DLGAP2: variants seen among roughly 807,000 people sequenced by gnomAD.
The protein encoded by DLGAP2 is DLG associated protein 2, also known as disks large-associated protein 2.
DLGAP2 carries 26 observed loss-of-function variants against 100.3 expected under a neutral mutation model. The ratio of observed to expected loss-of-function variants is 0.26; its 90% confidence interval spans 0.19 to 0.36. The LOEUF is 0.36. Ranked by LOEUF, DLGAP2 falls within the 10% of genes least tolerant of loss-of-function variation. The pLI is 1.00. For missense variants in DLGAP2, 1,858 were observed against 1,453.2 expected (o/e 1.28, Z -4.53); for synonymous variants, 886 against 630.1 (o/e 1.41, Z -6.08).
intron 1 of DLGAP2, among the ~76,000 whole-genome samples, chr8:868,000 A>G (rs944827512): frequency 2.0e-5 from 3 of 152,206 alleles, no homozygotes; most frequent in East Asian, 1.9e-4. Context: ...AAATTCAGCA[A>G]TGGCTTCATC....
chr8:1,513,708 C>G (rs188379181), intron 4 of DLGAP2, among the ~76,000 whole-genome samples: 2 of 152,328 alleles, frequency 1.3e-5, no homozygotes, highest in African/African-American at 4.8e-5. Context: ...ATGCAATTCC[C>G]TAAAAGTACA....
chr8:1,626,457 A>G (rs572876540), intron 6 of DLGAP2, among the ~76,000 whole-genome samples: 1 of 138,790 alleles, frequency 7.2e-6, no homozygotes, highest in African/African-American at 2.7e-5. Flanking sequence ...GGCTGTTCCC[A>G]TCTGTACCCT....
In DLGAP2 at chr8:1,052,745, G is replaced by A. The variant is rs112454961; in HGVS notation, c.73+144779G>A. Among the ~76,000 whole-genome samples, 1,458 of 152,184 alleles carry A rather than the reference G, an allele frequency of 9.6e-3. 26 individuals carry two copies. Among genetic ancestry groups the A allele is most frequent in the African/African-American group, 0.032 (1,329 of 41,500 alleles). On this transcript the variant is annotated intron_variant, in intron 2 of 14. Transcript: ENST00000637795. ...GGTAATACAGGGAGGGGTTTTCTAGGGGCTCGGTTACACACACTGGACTTG... is the reference window on the plus strand; with the variant it reads ...GGTAATACAGGGAGGGGTTTTCTAGAGGCTCGGTTACACACACTGGACTTG...
At chr8:1,646,325 A>G (rs1798039896) in intron 8 of DLGAP2, among the ~76,000 whole-genome samples, 1 of 152,146 alleles carries the variant, frequency 6.6e-6, no homozygotes, top group South Asian at 2.1e-4. Flanking sequence ...CGTCAGCCTC[A>G]TTGACGACAG....
At chr8:963,121 G>A (rs1300095690) in intron 2 of DLGAP2, among the ~76,000 whole-genome samples, 7 of 152,142 alleles carry the variant, frequency 4.6e-5, no homozygotes, top group South Asian at 2.1e-4. Flanking sequence ...CAGCAACAGC[G>A]GTCACCCCTC....
chr8:1,433,018 A>C (rs533944430), intron 3 of DLGAP2, among the ~76,000 whole-genome samples: 115 of 152,256 alleles, frequency 7.6e-4, no homozygotes, highest in Non-Finnish European at 8.2e-4. Context: ...GGTGACCCCC[A>C]CAGTCTGCTC....
chr8:1,239,366 CGCCGTGTCTAGTTCTCTCACGTGGT>C (rs1798731614), intron 2 of DLGAP2, among the ~76,000 whole-genome samples: 2 of 19,812 alleles, frequency 1.0e-4, no homozygotes, highest in South Asian at 1.6e-3. Flanking sequence ...TCTCACATGG[CGCCGTGTCTAGTTCTCTCACGTGGT>C]GCCGTGTCTA....
chr8:1,008,502 A>G (rs1354842512), intron 2 of DLGAP2, among the ~76,000 whole-genome samples: 1 of 152,222 alleles, frequency 6.6e-6, no homozygotes, highest in Non-Finnish European at 1.5e-5. Context: ...ATAAAATCAT[A>G]TTTTCTTATT....
rs1241626815 is a variant in DLGAP2 at position 1,704,943 on chromosome 8, C to G, written c.*3537C>G. 6.6e-6 allele frequency: 1 copy of G among 152,206 alleles called. No individual in the cohort carries two copies. The highest frequency in any genetic ancestry group is 6.5e-5 in the Admixed American group (1 of 15,284). The allele number at this position is 152,206 out of a possible 1,614,324, so 9.4% of individuals were successfully genotyped here. ...GCATATGTCCTTGTCTTGATTTTTG[C>G]CTTTTCGATGCCATATTAAGCAGCC... On this transcript the variant is annotated 3_prime_UTR_variant, in exon 15 of 15. Coordinates refer to ENST00000637795, the MANE Select transcript of DLGAP2 (RefSeq NM_001346810.2).
chr8:1,071,046 G>A (rs1443719214), intron 2 of DLGAP2, among the ~76,000 whole-genome samples: 2 of 152,218 alleles, frequency 1.3e-5, no homozygotes, highest in African/African-American at 2.4e-5. Flanking sequence ...TCACTGAGCA[G>A]AATGAGGGTC....
chr8:1,198,388 C>T (rs1298681919), intron 2 of DLGAP2, among the ~76,000 whole-genome samples: 1 of 152,180 alleles, frequency 6.6e-6, no homozygotes, highest in Non-Finnish European at 1.5e-5. Flanking sequence ...CTGCTTTCCA[C>T]AGAGAGCTGC....
chr8:1,346,197 T>C (rs1201178327), intron 3 of DLGAP2, among the ~76,000 whole-genome samples: 3 of 152,298 alleles, frequency 2.0e-5, no homozygotes, highest in South Asian at 2.1e-4. Flanking sequence ...CAGAGCTGCA[T>C]TGCACTCACG....
intron 2 of DLGAP2, among the ~76,000 whole-genome samples, chr8:1,156,205 G>T (rs1004509502): frequency 6.6e-6 from 1 of 152,156 alleles, no homozygotes; most frequent in Non-Finnish European, 1.5e-5. Context: ...TCCCTCTGCC[G>T]CCGGGAGCGG....
intron 2 of DLGAP2, among the ~76,000 whole-genome samples, chr8:1,029,906 CAT>C (rs1442465712): frequency 4.6e-5 from 7 of 152,184 alleles, no homozygotes; most frequent in African/African-American, 9.6e-5. Context: ...CAGACACAAA[CAT>C]GTGGGCAATG....
intron 3 of DLGAP2, among the ~76,000 whole-genome samples, chr8:1,407,978 T>A (rs181704880): frequency 1.3e-5 from 2 of 152,226 alleles, no homozygotes; most frequent in African/African-American, 4.8e-5. Context: ...TGGGCTGTCC[T>A]GCACAGCACA....
chr8:1,450,631 T>G (rs1215177147), intron 3 of DLGAP2, among the ~76,000 whole-genome samples: 2 of 151,698 alleles, frequency 1.3e-5, no homozygotes, highest in Non-Finnish European at 2.9e-5. Flanking sequence ...TTCCAAACTT[T>G]GTCTTCCCCC....
In DLGAP2 at chr8:1,701,603, T is replaced by TTTGTTG. The variant is rs796566572; in HGVS notation, c.*212_*217dup. On this transcript the variant is annotated 3_prime_UTR_variant, in exon 15 of 15. Coordinates refer to ENST00000637795, the MANE Select transcript of DLGAP2 (RefSeq NM_001346810.2). Reference sequence around the variant, plus strand: ...GCTCGCGGCGAGGACGACTTCTGCTTTTGTTGTTGTTGTTGTTGTTCACGG... The same window carrying TTTGTTG: ...GCTCGCGGCGAGGACGACTTCTGCTTTTGTTGTTGTTGTTGTTGTTGTTGTTCACGG... The TTTGTTG allele has an allele frequency of 2.6e-5, 16 of 617,170 alleles. No homozygotes were observed. The highest frequency in any genetic ancestry group is 8.9e-5 in the East Asian group (3 of 33,714). 38.2% of individuals were successfully genotyped at this position (617,170 alleles called of 1,614,324 possible).
At position 752,059 on chromosome 8, in the gene DLGAP2, GC is replaced by G. The variant is rs915036852; in HGVS notation, c.18+14237del. On this transcript the variant is annotated intron_variant, in intron 1 of 14. Coordinates refer to ENST00000637795, the MANE Select transcript of DLGAP2 (RefSeq NM_001346810.2). ...GGTCTCCCTCCAGGGCTCTGGTGTG[GC>G]CCAGGTTCTTCCCTGGTGTTCACTC... Among the ~76,000 whole-genome samples the G allele has an allele frequency of 1.3e-4, 20 of 152,320 alleles. 1 individual carries two copies. The highest frequency in any genetic ancestry group is 4.6e-4 in the African/African-American group (19 of 41,560).
intron 2 of DLGAP2, among the ~76,000 whole-genome samples, chr8:1,241,401 G>T (rs1798794109): frequency 6.6e-6 from 1 of 152,186 alleles, no homozygotes; most frequent in African/African-American, 2.4e-5. Context: ...CTGTCACATG[G>T]CCCTGTGTCC....
Sources: allele counts gnomAD v4.1 joint callset (sites outside exome capture counted in the v4.1 genomes callset), GRCh38; gene constraint gnomAD v4.1.1; transcripts MANE v1.5; gene names NCBI Gene and HGNC (gene_info 2026-07-23, HGNC 2026-07-21).